Variants in TOP2A observed in about 807,000 individuals in gnomAD.
TOP2A encodes the protein DNA topoisomerase II alpha, also known as DNA topoisomerase 2-alpha.
In TOP2A, 68 loss-of-function variants were observed where a neutral mutation model predicts 187.2. The ratio of observed to expected loss-of-function variants is 0.36; its 90% CI spans 0.30 to 0.44. TOP2A has a LOEUF of 0.44. Among genes scored for constraint, TOP2A ranks in the 20% least tolerant of loss-of-function variants. TOP2A has a pLI of 1.00. For missense variants in TOP2A, 1,196 were observed against 1,808.7 expected (o/e 0.66, Z 6.14); for synonymous variants, 542 against 593.2 (o/e 0.91, Z 1.25).
At chr17:40,417,714 A>G (rs1332212858) in intron 1 of TOP2A, 57 bp downstream of exon 1, 29 of 1,609,560 alleles carry the variant, frequency 1.8e-5, no homozygotes, top group Non-Finnish European at 2.2e-5. Context: ...ACGGGCGGCC[A>G]GAGAGATGCC....
chr17:40,411,196 G>A lies in TOP2A; in HGVS notation c.1116C>T (p.Thr372=), dbSNP rs780536786. Reference sequence around the variant, plus strand: ...TGTTTTCTTTTGTCTGAGAGTCAAAGGTTGGGTTTTCAATTAAGGCATTTA... The same window carrying A: ...TGTTTTCTTTTGTCTGAGAGTCAAAAGTTGGGTTTTCAATTAAGGCATTTA... ...IFVNALIENP[T]FDSQTKENMT... Residue 372 remains threonine, a synonymous_variant, in exon 10 of 35, where the codon ACC becomes ACT. Transcript: ENST00000423485. The surrounding 1 kb of genome is among the most constrained non-coding windows in gnomAD (Gnocchi z 4.4). 10 of 1,613,522 alleles carry A rather than the reference G, an allele frequency of 6.2e-6. No individual in the cohort carries two copies. The South Asian group carries it at 1.1e-4, about 18-fold the overall frequency.
chr17:40,401,236 T>A (rs1171228041), intron 20 of TOP2A, among the ~76,000 whole-genome samples, 155 bp from the exon 21 acceptor site: 3 of 152,218 alleles, frequency 2.0e-5, no homozygotes, highest in Non-Finnish European at 4.4e-5. Context: ...TTGCTATGTG[T>A]CACGCACATG....
intron 4 of TOP2A, 26 bp downstream of exon 4, chr17:40,415,979 T>C (rs768740083): frequency 2.6e-6 from 4 of 1,515,496 alleles, no homozygotes; most frequent in Non-Finnish European, 3.6e-6. Context: ...ACGAGCTACA[T>C]AACAAAAACT....
chr17:40,416,584 A>C (rs1027694332), intron 2 of TOP2A, 72 bp from the exon 3 acceptor site: 1 of 1,434,222 alleles, frequency 7.0e-7, no homozygotes, highest in African/African-American at 1.4e-5. Flanking sequence ...ATTACCATAA[A>C]GTGTTCATAT....
intron 29 of TOP2A, among the ~76,000 whole-genome samples, chr17:40,395,193 G>T (rs1567782047): frequency 6.8e-6 from 1 of 146,482 alleles, no homozygotes; most frequent in East Asian, 2.1e-4. Context: ...TGAGGCAGGA[G>T]AATCGCTTGA....
chr17:40,389,405 TA>T lies in TOP2A; in HGVS notation c.*113del. On this transcript the variant is annotated 3_prime_UTR_variant, in exon 35 of 35. Transcript: ENST00000423485. ...TTTACTTCACTTTGATGTCTTGTAC[TA>T]AAAACACCTTCCCCAAACTAAATTC... is the stretch of plus-strand genomic sequence containing the variant. 7.8e-7 allele frequency: 1 copy of T among 1,283,810 alleles called. No homozygotes were observed. The highest frequency in any genetic ancestry group is 1.1e-6 in the Non-Finnish European group (1 of 947,582). 79.5% of individuals were successfully genotyped at this position (1,283,810 alleles called of 1,614,324 possible). A position where few individuals can be genotyped will look rare whatever the true frequency, so the allele number is the denominator to read the frequency against.
At chr17:40,406,012 C>T (rs1294158152) in intron 16 of TOP2A, among the ~76,000 whole-genome samples, 4 of 152,132 alleles carry the variant, frequency 2.6e-5, no homozygotes, top group Non-Finnish European at 4.4e-5. Context: ...GTGATCTGCT[C>T]GCCTCTGCCT....
At chr17:40,397,125 T>A (rs1567783018) in intron 27 of TOP2A, among the ~76,000 whole-genome samples, 2 of 152,050 alleles carry the variant, frequency 1.3e-5, no homozygotes, top group African/African-American at 4.8e-5. Context: ...TCTCAAGTGA[T>A]CCTCCTGCCT....
chr17:40,406,622 G>A lies in TOP2A; in HGVS notation c.1805C>T (p.Thr602Ile). Residue 602 changes from threonine (T) to isoleucine (I), a missense_variant, in exon 15 of 35, where the codon ACT becomes ATT. Physicochemically the swap from Thr to Ile is moderately conservative, Grantham distance 89. This residue lies in a region of TOP2A where 209 missense variants were observed against 376.9 expected (regional missense o/e 0.55). Coordinates refer to ENST00000423485, the MANE Select transcript of TOP2A (RefSeq NM_001067.4). ...LPEFEEWKSS[T>I]PNHKKWKVKY... ...GACTTTCCATTTTTTATGATTTGGA[G>A]TAGAACTCTTCCACTCTTCAAATTC... The A allele has an allele frequency of 1.9e-6, 3 of 1,612,704 alleles. No individual in the cohort carries two copies. Among genetic ancestry groups the A allele is most frequent in the Non-Finnish European group, 2.5e-6 (3 of 1,179,602 alleles).
At position 40,413,572 on chromosome 17, in the gene TOP2A, TCAA is replaced by T; in HGVS notation, c.383_385del (p.Val128del). ...GACATACATCTTTTCAACTTTGTGT[TCAA>T]CAACAGGAATACCTTTTCCATTATT... On this transcript the variant is annotated inframe_deletion, in exon 5 of 35. Transcript: ENST00000423485. 1 of 1,504,624 alleles carries T rather than the reference TCAA, an allele frequency of 6.6e-7. No individual in the cohort carries two copies. The highest frequency in any genetic ancestry group is 9.0e-7 in the Non-Finnish European group (1 of 1,108,414). The allele number at this position is 1,504,624 out of a possible 1,614,324, so 93.2% of individuals were successfully genotyped here. A position where few individuals can be genotyped will look rare whatever the true frequency, so the allele number is the denominator to read the frequency against.
chr17:40,413,025 G>C (rs1293272537), intron 6 of TOP2A, 54 bp from the exon 7 acceptor site: 5 of 1,461,798 alleles, frequency 3.4e-6, no homozygotes, highest in Non-Finnish European at 4.7e-6. Context: ...TCACAAACTG[G>C]AAGTAAATAA....
chr17:40,407,172 G>A (rs1311052064), intron 13 of TOP2A, among the ~76,000 whole-genome samples: 1 of 152,208 alleles, frequency 6.6e-6, no homozygotes, highest in African/African-American at 2.4e-5. Flanking sequence ...GCTGAGGCAG[G>A]AGAATCGCTT....
At position 40,413,145 on chromosome 17, in the gene TOP2A, G is replaced by A. The variant is rs1220672540; in HGVS notation, c.576+50C>T. 2.9e-6 allele frequency: 4 copies of A among 1,397,306 alleles called. No individual in the cohort carries two copies. The South Asian group carries it at 5.0e-5, about 17-fold the overall frequency. The allele number at this position is 1,397,306 out of a possible 1,614,324, so 86.6% of individuals were successfully genotyped here. A position where few individuals can be genotyped will look rare whatever the true frequency, so the allele number is the denominator to read the frequency against. The stretch of plus-strand genomic sequence containing the variant: ...CCAATCATTAATGCCATTATAAATG[G>A]CTATACTACTACCATTTATCATTAA... On this transcript the variant is annotated intron_variant, in intron 6 of 34. Transcript: ENST00000423485.
rs745591419 is a variant in TOP2A at position 40,411,509 on chromosome 17, A to G, written c.964-54T>C. On this transcript the variant is annotated intron_variant, in intron 8 of 34. Transcript: ENST00000423485. The surrounding 1 kb of genome is among the most constrained non-coding windows in gnomAD (Gnocchi z 4.4). The stretch of plus-strand genomic sequence containing the variant: ...ACTCAGTATCCTCAAAATTATAATA[A>G]TCAAACATTAAAAACTAATTTAACC... The G allele has an allele frequency of 2.6e-5, 41 of 1,584,026 alleles. No homozygotes were observed. In the African/African-American group the frequency reaches 4.3e-4, roughly 17 times the overall value.
chr17:40,389,342 T>C lies in TOP2A; in HGVS notation c.*177A>G. The stretch of plus-strand genomic sequence containing the variant: ...AACAATGCCCATGAGATGGTCACTA[T>C]TTAGACAGTATTATAAAAAGCTAAA... On this transcript the variant is annotated 3_prime_UTR_variant, in exon 35 of 35. Coordinates refer to ENST00000423485, the MANE Select transcript of TOP2A (RefSeq NM_001067.4). 2 of 615,696 alleles carry C rather than the reference T, an allele frequency of 3.2e-6. No homozygotes were observed. Among genetic ancestry groups the C allele is most frequent in the South Asian group, 2.3e-5 (1 of 43,686 alleles). The allele number at this position is 615,696 out of a possible 1,614,324, so 38.1% of individuals were successfully genotyped here. A position where few individuals can be genotyped will look rare whatever the true frequency, so the allele number is the denominator to read the frequency against.
intron 27 of TOP2A, among the ~76,000 whole-genome samples, 184 bp downstream of exon 27, chr17:40,398,374 G>A (rs549211218): frequency 2.0e-5 from 3 of 152,194 alleles, no homozygotes; most frequent in Admixed American, 2.0e-4. Context: ...AAAATGCTGG[G>A]ATTACCAGCG....
chr17:40,400,767 GT>G (rs2035169249), intron 21 of TOP2A, 82 bp downstream of exon 21: 1 of 1,537,072 alleles, frequency 6.5e-7, no homozygotes, highest in Non-Finnish European at 8.9e-7. Context: ...TAAATTTTAT[GT>G]TTGCATCATC....
Position 40,404,503 on chromosome 17 carries a change from A to G in TOP2A, c.2047-12T>C. Reference sequence around the variant, plus strand: ...CCATACAAGTAATCCTGAAGGACCAAATAGTATTACATGAGTCTACCGGTC... The same window carrying G: ...CCATACAAGTAATCCTGAAGGACCAGATAGTATTACATGAGTCTACCGGTC... On this transcript the variant is annotated splice_polypyrimidine_tract_variant and intron_variant, in intron 17 of 34. Transcript: ENST00000423485. 1 of 1,465,896 alleles carries G rather than the reference A, an allele frequency of 6.8e-7. No individual in the cohort carries two copies. Among genetic ancestry groups the G allele is most frequent in the Non-Finnish European group, 9.5e-7 (1 of 1,049,988 alleles). 90.8% of individuals were successfully genotyped at this position (1,465,896 alleles called of 1,614,324 possible).
chr17:40,388,963 A>T lies in TOP2A; in HGVS notation c.*556T>A. 1 of 211,742 alleles carries T rather than the reference A, an allele frequency of 4.7e-6. No individual in the cohort carries two copies. Among genetic ancestry groups the T allele is most frequent in the Non-Finnish European group, 9.6e-6 (1 of 103,804 alleles). 13.1% of individuals were successfully genotyped at this position (211,742 alleles called of 1,614,324 possible). On this transcript the variant is annotated 3_prime_UTR_variant, in exon 35 of 35. Coordinates refer to ENST00000423485, the MANE Select transcript of TOP2A (RefSeq NM_001067.4). ...CTTCGGCCTCTGATGATTTGAGAAG[A>T]TGAAGAACATGAGCAATTTCTCATT...
Sources: allele counts gnomAD v4.1 joint callset (sites outside exome capture counted in the v4.1 genomes callset), GRCh38; gene constraint gnomAD v4.1.1; regional missense constraint gnomAD v4.1.1; non-coding constraint Gnocchi (gnomAD v3.1); transcripts MANE v1.5; gene names NCBI Gene and HGNC (gene_info 2026-07-23, HGNC 2026-07-21).